Variants in CCDC7 observed in about 807,000 individuals in gnomAD.
CCDC7 encodes coiled-coil domain-containing protein 7.
In CCDC7, 183 loss-of-function variants were observed where a neutral mutation model predicts 196.9. That is an observed-to-expected ratio of 0.93 (90% CI 0.82 to 1.05). The LOEUF is 1.05. CCDC7 is among the 50% of genes least tolerant of loss of function. The pLI is 0.00. For synonymous variants in CCDC7, 525 were observed against 484.6 expected (o/e 1.08, Z -1.10); for missense variants, 1,540 against 1,482.2 (o/e 1.04, Z -0.64).
At chr10:32,723,693 A>G (rs1299619817) in intron 25 of CCDC7, among the ~76,000 whole-genome samples, 2 of 152,076 alleles carry the variant, frequency 1.3e-5, no homozygotes, top group East Asian at 3.9e-4. Context: ...CTATAATGAT[A>G]CACCCCACAA....
upstream of CCDC7, among the ~76,000 whole-genome samples, chr10:32,445,298 G>C (rs2030697142): frequency 1.3e-5 from 2 of 152,136 alleles, no homozygotes; most frequent in Non-Finnish European, 2.9e-5. Context: ...CCAGCTCTTG[G>C]GAGCTGATAA....
At chr10:32,675,749 G>C (rs878962314) in intron 21 of CCDC7, 1 of 152,232 alleles carries the variant, frequency 6.6e-6, no homozygotes, top group South Asian at 2.1e-4. Context: ...ACAAAGAAAT[G>C]GAAGAACATT....
At chr10:32,568,008 T>TG (rs35386168) in intron 15 of CCDC7, 117 bp downstream of exon 16, 320,745 of 675,390 alleles carry the variant, frequency 0.47, 42,344 homozygotes, top group Admixed American at 0.52. Flanking sequence ...GTTTTTGGGT[T>TG]TTTTTTTTTT....
At chr10:32,800,673 A>G (rs2084604227) in intron 29 of CCDC7, among the ~76,000 whole-genome samples, 3 of 152,162 alleles carry the variant, frequency 2.0e-5, no homozygotes, top group Admixed American at 2.0e-4. Flanking sequence ...GATGGAAGAA[A>G]GATTAACAGC....
intron 9 of CCDC7, among the ~76,000 whole-genome samples, 199 bp from the exon 11 acceptor site, chr10:32,517,746 A>G (rs2047252905): frequency 6.6e-6 from 1 of 151,700 alleles, no homozygotes; most frequent in African/African-American, 2.4e-5. Context: ...CGTTGTGTAC[A>G]TGTACCCTAA....
At chr10:32,633,213 GCACACACACACA>G (rs5784300) in intron 18 of CCDC7, among the ~76,000 whole-genome samples, 1 of 151,018 alleles carries the variant, frequency 6.6e-6, no homozygotes, top group Non-Finnish European at 1.5e-5. Flanking sequence ...GCGCGTGCAC[GCACACACACACA>G]CACACACACA....
chr10:32,579,936 A>C (rs2058586664), intron 16 of CCDC7, among the ~76,000 whole-genome samples: 1 of 152,014 alleles, frequency 6.6e-6, no homozygotes, highest in Admixed American at 6.6e-5. Context: ...TACACGAGTC[A>C]CATACCACTA....
chr10:32,598,368 G>T (rs111949363), intron 18 of CCDC7, among the ~76,000 whole-genome samples: 6,481 of 152,260 alleles, frequency 0.043, 180 homozygotes, highest in Middle Eastern at 0.068. Flanking sequence ...GCAGTATCAG[G>T]GTGGGAGTGT....
At chr10:32,700,869 T>C (rs2078593266) in intron 24 of CCDC7, among the ~76,000 whole-genome samples, 1 of 152,212 alleles carries the variant, frequency 6.6e-6, no homozygotes, top group African/African-American at 2.4e-5. Context: ...CTGTTATTGG[T>C]ATATAAGAAT....
chr10:32,574,477 A>G lies in CCDC7; in HGVS notation c.1454+2584A>G, dbSNP rs146133548. ...CTTTGGAAAAGTCTCCCAAACCTTC[A>G]GAGAGTGGATGGGAGCGAAGTAAGG... On this transcript the variant is annotated intron_variant, in intron 16 of 41. Transcript: ENST00000639629. 1,399 of 1,583,706 alleles carry G rather than the reference A, an allele frequency of 8.8e-4. 20 individuals carry two copies. The East Asian group carries it at 0.029, about 33-fold the overall frequency.
chr10:32,555,270 G>A (rs1052194951), intron 13 of CCDC7, among the ~76,000 whole-genome samples: 1 of 147,124 alleles, frequency 6.8e-6, no homozygotes, highest in African/African-American at 2.5e-5. Context: ...TTTTTGAGAT[G>A]GAGTCTTGCT....
chr10:32,764,513 G>C (rs774543457), intron 28 of CCDC7, among the ~76,000 whole-genome samples: 3 of 151,808 alleles, frequency 2.0e-5, no homozygotes, highest in East Asian at 3.9e-4. Context: ...GGACTGTAAC[G>C]GTCAGTTTGG....
chr10:32,531,528 G>T (rs2049659208), intron 11 of CCDC7, among the ~76,000 whole-genome samples: 1 of 152,130 alleles, frequency 6.6e-6, no homozygotes, highest in Non-Finnish European at 1.5e-5. Context: ...GTTTTTTGCT[G>T]TGTCTCTGTC....
chr10:32,573,792 A>G (rs1027344716), intron 16 of CCDC7, among the ~76,000 whole-genome samples: 1 of 152,164 alleles, frequency 6.6e-6, no homozygotes, highest in Non-Finnish European at 1.5e-5. Flanking sequence ...ATTCATTTCA[A>G]TTCAGTTTAG....
rs866035889 is a variant in CCDC7, at chr10:32,845,790, C to G, written c.3521-86C>G. On this transcript the variant is annotated intron_variant, in intron 35 of 41. Transcript: ENST00000639629. ...AATTACACACACACACACACACACA[C>G]ACACATACACACACACACAGATACA... 407 of 1,063,278 alleles carry G rather than the reference C, an allele frequency of 3.8e-4. 1 individual carries two copies. Among genetic ancestry groups the G allele is most frequent in the Admixed American group, 1.7e-3 (88 of 52,186 alleles). The allele number at this position is 1,063,278 out of a possible 1,614,324, so 65.9% of individuals were successfully genotyped here. A position where few individuals can be genotyped will look rare whatever the true frequency, so the allele number is the denominator to read the frequency against.
At chr10:32,623,624 T>C (rs1415277853) in intron 18 of CCDC7, 18 of 449,924 alleles carry the variant, frequency 4.0e-5, no homozygotes, top group Admixed American at 2.2e-4. Context: ...CTCTGTCAGA[T>C]ACTGCTTTAG....
intron 28 of CCDC7, among the ~76,000 whole-genome samples, chr10:32,763,440 A>G (rs2077765528): frequency 6.6e-6 from 1 of 151,898 alleles, no homozygotes; most frequent in Admixed American, 6.6e-5. Context: ...TTAAAAAATT[A>G]AAAATAGAAT....
At chr10:32,575,110 A>G (rs2058045358) in intron 16 of CCDC7, among the ~76,000 whole-genome samples, 1 of 152,230 alleles carries the variant, frequency 6.6e-6, no homozygotes, top group South Asian at 2.1e-4. Context: ...ACATGGAGAT[A>G]ATGAAACTAC....
intron 9 of CCDC7, among the ~76,000 whole-genome samples, chr10:32,494,852 CAT>C (rs1487559586): frequency 6.6e-6 from 1 of 152,168 alleles, no homozygotes. Context: ...GCTGCAATAA[CAT>C]ATGTGTGCAT....
Sources: gnomAD v4.1 joint callset for allele counts (sites outside exome capture counted in the v4.1 genomes callset) on GRCh38, gnomAD v4.1.1 for gene constraint, MANE v1.5 for transcripts, NCBI Gene and HGNC (gene_info 2026-07-23, HGNC 2026-07-21) for gene names.